Variants in LSAMP observed in about 807,000 individuals in gnomAD.
LSAMP encodes limbic system associated membrane protein, also known as limbic system-associated membrane protein.
A neutral mutation model predicts 38.6 loss-of-function variants in LSAMP; 7 were observed. The ratio of observed to expected loss-of-function variants is 0.18; its 90% confidence interval spans 0.10 to 0.34. The LOEUF (loss-of-function observed/expected upper bound fraction) is 0.34, where lower values mean the gene tolerates loss of function less well. LSAMP is among the 10% of genes least tolerant of loss of function. The probability of loss-of-function intolerance (pLI) is 1.00; values close to 1 mark genes in which losing one functional copy is unlikely to be tolerated. For synonymous variants in LSAMP, 154 were observed against 166.8 expected, an observed-to-expected ratio of 0.92 and a Z score of 0.59; for missense variants, 313 against 420.0, an observed-to-expected ratio of 0.75 and a Z score of 2.23.
At chr3:116,249,228 G>A (rs1230022826) in intron 1 of LSAMP, among the ~76,000 whole-genome samples, 1 of 151,316 alleles carries the variant, frequency 6.6e-6, no homozygotes, top group Non-Finnish European at 1.5e-5. Flanking sequence ...TCATCTAAAT[G>A]TGTCCAAAAT....
At chr3:115,925,329 C>T (rs576996598) in intron 3 of LSAMP, among the ~76,000 whole-genome samples, 1 of 152,150 alleles carries the variant, frequency 6.6e-6, no homozygotes, top group Non-Finnish European at 1.5e-5. Context: ...CACTTTCTGG[C>T]ACAGAACTCA....
Position 115,911,476 on chromosome 3 carries a change from T to G in LSAMP, c.515-58859A>C, listed in dbSNP as rs559033283. 3.4e-4 allele frequency among the ~76,000 whole-genome samples: 52 copies of G among 152,222 alleles called. No individual in the cohort carries two copies. The Middle Eastern group carries it at 0.014, about 40-fold the overall frequency. ...GGGCTCAGGTGATCCTCCCACCTCC[T>G]GAGTAGCTGGGACTACAGGTGCCTG... On this transcript the variant is annotated intron_variant, in intron 3 of 6. Transcript: ENST00000490035.
At chr3:116,057,967 A>ACACACACACACACCCC (rs1553699988) in intron 2 of LSAMP, among the ~76,000 whole-genome samples, 4 of 147,652 alleles carry the variant, frequency 2.7e-5, no homozygotes, top group Admixed American at 6.8e-5. Flanking sequence ...CCACACACAC[A>ACACACACACACACCCC]CACACACACA....
chr3:116,116,706 A>G (rs918868283), intron 1 of LSAMP, among the ~76,000 whole-genome samples: 2 of 151,662 alleles, frequency 1.3e-5, no homozygotes, highest in Non-Finnish European at 2.9e-5. Context: ...ACAGAGCGAG[A>G]TTCCATCTCA....
chr3:115,963,589 A>G (rs79953434), intron 3 of LSAMP, among the ~76,000 whole-genome samples: 3,014 of 152,266 alleles, frequency 0.02, 57 homozygotes, highest in African/African-American at 0.056. Context: ...CCAGTATGTG[A>G]TTGAATTTGG....
chr3:116,031,697 A>C (rs1940929745), intron 2 of LSAMP, among the ~76,000 whole-genome samples: 1 of 151,310 alleles, frequency 6.6e-6, no homozygotes, highest in African/African-American at 2.4e-5. Flanking sequence ...AAAATAATAA[A>C]AGTTGTTTTT....
chr3:116,074,197 T>C (rs1707678734), intron 2 of LSAMP, among the ~76,000 whole-genome samples: 1 of 152,228 alleles, frequency 6.6e-6, no homozygotes, highest in African/African-American at 2.4e-5. Context: ...CTGGATCTCA[T>C]GCTGAAGCCT....
intron 2 of LSAMP, among the ~76,000 whole-genome samples, chr3:116,077,371 T>A (rs1314552550): frequency 6.6e-6 from 1 of 152,118 alleles, no homozygotes; most frequent in Non-Finnish European, 1.5e-5. Context: ...TTTAAATACA[T>A]CAAGAATAGA....
intron 4 of LSAMP, among the ~76,000 whole-genome samples, chr3:115,846,628 T>C (rs1935168844): frequency 6.6e-6 from 1 of 152,172 alleles, no homozygotes; most frequent in South Asian, 2.1e-4. Flanking sequence ...CAAATTCACA[T>C]GGTCAGTACT....
At chr3:115,852,682 ATTC>A (rs2107523303) in intron 3 of LSAMP, 65 bp from the exon 4 acceptor site, 1 of 1,420,956 alleles carries the variant, frequency 7.0e-7, no homozygotes, top group South Asian at 1.4e-5. Context: ...TCCTCTCATT[ATTC>A]TTTTTAAAAG....
chr3:115,985,664 G>A (rs1181470719), intron 3 of LSAMP, among the ~76,000 whole-genome samples: 1 of 152,180 alleles, frequency 6.6e-6, no homozygotes, highest in Non-Finnish European at 1.5e-5. Context: ...GGCTTTCACT[G>A]TTTTGGGATA....
chr3:116,255,256 A>T (rs983435176), intron 1 of LSAMP, among the ~76,000 whole-genome samples: 4 of 152,190 alleles, frequency 2.6e-5, no homozygotes, highest in Non-Finnish European at 5.9e-5. Flanking sequence ...ACTAAAGAAG[A>T]AATTCCAAAA....
chr3:115,937,999 C>T (rs1325245055), intron 3 of LSAMP, among the ~76,000 whole-genome samples: 2 of 152,100 alleles, frequency 1.3e-5, no homozygotes, highest in African/African-American at 4.8e-5. Context: ...AAACTATAGT[C>T]AGTAGTTTGA....
At chr3:115,889,428 T>A (rs1000564868) in intron 3 of LSAMP, among the ~76,000 whole-genome samples, 8 of 151,886 alleles carry the variant, frequency 5.3e-5, no homozygotes, top group African/African-American at 1.9e-4. Context: ...CAATTGGGGT[T>A]ATATTTAGGT....
intron 1 of LSAMP, among the ~76,000 whole-genome samples, chr3:116,193,453 C>T (rs912011086): frequency 8.5e-5 from 13 of 152,120 alleles, no homozygotes; most frequent in Non-Finnish European, 2.9e-5. Flanking sequence ...AGCAGGATAC[C>T]ATTTGTCTTG....
intron 2 of LSAMP, among the ~76,000 whole-genome samples, chr3:116,033,600 C>T (rs1200043194): frequency 1.3e-5 from 2 of 152,104 alleles, no homozygotes; most frequent in East Asian, 3.9e-4. Context: ...AAAGCAGTCT[C>T]TCCGTAACAT....
chr3:116,407,097 T>C (rs1235236758), intron 1 of LSAMP, among the ~76,000 whole-genome samples: 5 of 151,756 alleles, frequency 3.3e-5, no homozygotes, highest in Admixed American at 2.6e-4. Flanking sequence ...AGAAGACTGA[T>C]AAAAAAAATA....
At chr3:115,964,699 C>T (rs1274145156) in intron 3 of LSAMP, among the ~76,000 whole-genome samples, 1 of 151,956 alleles carries the variant, frequency 6.6e-6, no homozygotes, top group Non-Finnish European at 1.5e-5. Context: ...TGGGTGAATA[C>T]AGAATGAAGA....
intron 1 of LSAMP, among the ~76,000 whole-genome samples, chr3:116,267,584 C>T (rs1350021632): frequency 1.4e-5 from 2 of 145,192 alleles, no homozygotes; most frequent in African/African-American, 5.1e-5. Flanking sequence ...TATCTCTGTC[C>T]CTCTGAGAAT....
Sources: gnomAD v4.1 joint callset for allele counts (sites outside exome capture counted in the v4.1 genomes callset) on GRCh38, gnomAD v4.1.1 for gene constraint, MANE v1.5 for transcripts, NCBI Gene and HGNC (gene_info 2026-07-23, HGNC 2026-07-21) for gene names.